The following SORBS2 variants were observed in gnomAD, a reference collection of about 807,000 sequenced individuals.
SORBS2 encodes the protein sorbin and SH3 domain-containing protein 2.
SORBS2 carries 46 observed loss-of-function variants against 97.7 expected under a neutral mutation model. The ratio of observed to expected loss-of-function variants is 0.47; its 90% CI spans 0.37 to 0.60. The LOEUF (loss-of-function observed/expected upper bound fraction) is 0.60. SORBS2 is among the 20% of genes least tolerant of loss of function. SORBS2 has a pLI of 0.00. For missense variants in SORBS2, 1,316 were observed against 1,282.3 expected (o/e 1.03, Z -0.40); for synonymous variants, 476 against 473.4 (o/e 1.01, Z -0.07).
At chr4:185,619,920 G>T (rs754949465) in intron 8 of SORBS2, 143 bp downstream of exon 20, 18 of 691,090 alleles carry the variant, frequency 2.6e-5, no homozygotes, top group Non-Finnish European at 4.5e-5. Context: ...CTATGCTCAG[G>T]CCCCAAGGAA....
intron 4 of SORBS2, among the ~76,000 whole-genome samples, chr4:185,664,668 G>A (rs2153477905): frequency 6.6e-6 from 1 of 152,148 alleles, no homozygotes; most frequent in Admixed American, 6.5e-5. Context: ...AGCCATTGGG[G>A]GAATACCAAA....
intron 1 of SORBS2, among the ~76,000 whole-genome samples, chr4:185,917,057 A>C (rs7671869): frequency 0.4 from 61,471 of 151,796 alleles, 12,587 homozygotes; most frequent in East Asian, 0.57. Flanking sequence ...TTAATTAATC[A>C]CGCCTATCTA....
Position 185,818,379 on chromosome 4 carries a change from C to T in SORBS2, c.-337-43013G>A, listed in dbSNP as rs187932124. Among the ~76,000 whole-genome samples, 109 of 152,100 alleles carry T rather than the reference C, an allele frequency of 7.2e-4. 1 individual carries two copies. The highest frequency in any genetic ancestry group is 4.2e-3 in the South Asian group (20 of 4,818). Reference sequence around the variant, plus strand: ...TAATTTTTTGTATTTTTAGTAGAAACGGAGTTTCACCATGTTAGCCAGGAT... The same window carrying T: ...TAATTTTTTGTATTTTTAGTAGAAATGGAGTTTCACCATGTTAGCCAGGAT... On this transcript the variant is annotated intron_variant, in intron 1 of 20. Transcript: ENST00000284776.
chr4:185,620,177 T>C (rs781532698), intron 7 of SORBS2, 26 bp from the exon 20 acceptor site: 5 of 1,428,426 alleles, frequency 3.5e-6, no homozygotes, highest in East Asian at 2.3e-5. Flanking sequence ...GGGCCAGTCA[T>C]GGTGAGTATC....
At position 185,886,563 on chromosome 4, in the gene SORBS2, AAAAAAAAAAAGAAAAG is replaced by A. The variant is rs1329629641; in HGVS notation, c.-338+69617_-338+69632del. Among the ~76,000 whole-genome samples, 22 of 127,618 alleles carry A rather than the reference AAAAAAAAAAAGAAAAG, an allele frequency of 1.7e-4. 1 individual carries two copies. The highest frequency in any genetic ancestry group is 8.4e-4 in the Admixed American group (11 of 13,088). The allele number at this position is 127,618 out of a possible 152,430, so 83.7% of individuals were successfully genotyped here. A position where few individuals can be genotyped will look rare whatever the true frequency, so the allele number is the denominator to read the frequency against. ...GAGCAAGACTCTGTCTCAAAAAAAA[AAAAAAAAAAAGAAAAG>A]AAAAAAAAAAGAAAAGAAAACAACG... On this transcript the variant is annotated intron_variant, in intron 1 of 20. Transcript: ENST00000284776.
chr4:185,619,414 G>A (rs185369812), intron 8 of SORBS2, among the ~76,000 whole-genome samples: 1 of 152,192 alleles, frequency 6.6e-6, no homozygotes, highest in Admixed American at 6.5e-5. Context: ...GATCCCACAG[G>A]CTCTGGACTA....
exon 15 of SORBS2, chr4:185,586,610 ATG>A (rs896965203): frequency 6.6e-6 from 1 of 152,664 alleles, no homozygotes; most frequent in African/African-American, 2.4e-5. Flanking sequence ...TTTCCATAAA[ATG>A]TACAACATAT....
intron 1 of SORBS2, among the ~76,000 whole-genome samples, chr4:185,923,922 AT>A (rs1443080071): frequency 6.6e-6 from 1 of 152,250 alleles, no homozygotes; most frequent in Non-Finnish European, 1.5e-5. Context: ...CAAGACAAGA[AT>A]TGTTAAAAGA....
intron 8 of SORBS2, 29 bp downstream of exon 20, chr4:185,620,034 A>G (rs201023070): frequency 1.6e-5 from 22 of 1,369,192 alleles, no homozygotes; most frequent in African/African-American, 4.3e-5. Context: ...TGTTGCTGTG[A>G]AAGACTCCAA....
Position 185,684,900 on chromosome 4 carries a change from C to CGTGCTTTTTAAGAG in SORBS2, c.-197-6079_-197-6078insCTCTTAAAAAGCAC. The stretch of plus-strand genomic sequence containing the variant: ...GCCAAGGCAACGGGAAAAGCACGTG[C>CGTGCTTTTTAAGAG]AATATCATGCGTTTTAAGAGAAATG... On this transcript the variant is annotated intron_variant, in intron 2 of 20. Transcript: ENST00000284776. The surrounding 1 kb of genome is among the most constrained non-coding windows in gnomAD (Gnocchi z 4.2). The CGTGCTTTTTAAGAG allele has an allele frequency of 7.7e-7, 1 of 1,300,430 alleles. No homozygotes were observed. The highest frequency in any genetic ancestry group is 1.1e-6 in the Non-Finnish European group (1 of 920,586). The allele number at this position is 1,300,430 out of a possible 1,614,324, so 80.6% of individuals were successfully genotyped here.
At chr4:185,672,083 A>G (rs1186030647) in intron 4 of SORBS2, among the ~76,000 whole-genome samples, 1 of 152,272 alleles carries the variant, frequency 6.6e-6, no homozygotes, top group Non-Finnish European at 1.5e-5. Context: ...AATGGAAGAC[A>G]TCAATGATTG....
intron 2 of SORBS2, among the ~76,000 whole-genome samples, chr4:185,731,039 A>G (rs2098618861): frequency 6.6e-6 from 1 of 152,222 alleles, no homozygotes; most frequent in Admixed American, 6.5e-5. Context: ...ACTATTTTCT[A>G]GGTTTTTCTC....
At chr4:185,863,488 C>T (rs906723066) in intron 1 of SORBS2, among the ~76,000 whole-genome samples, 2 of 152,154 alleles carry the variant, frequency 1.3e-5, no homozygotes, top group African/African-American at 4.8e-5. Flanking sequence ...GTTTAATATA[C>T]TGTCTTCTTA....
At position 185,724,552 on chromosome 4, in the gene SORBS2, T is replaced by G. The variant is rs971674616; in HGVS notation, c.-197-45730A>C. Among the ~76,000 whole-genome samples the G allele has an allele frequency of 2.6e-5, 4 of 152,160 alleles. No individual in the cohort carries two copies. The East Asian group carries it at 7.7e-4, about 29-fold the overall frequency. ...TACCTCTCTTCACTGTCATTTATAT[T>G]GTTGCCTGAGGACTCTTCCTAATAC... On this transcript the variant is annotated intron_variant, in intron 2 of 20. Coordinates refer to the SORBS2 transcript ENST00000284776.
exon 1 of SORBS2, chr4:185,656,693 T>C: frequency 1.9e-6 from 3 of 1,549,570 alleles, no homozygotes; most frequent in Non-Finnish European, 1.7e-6. Flanking sequence ...CCAGTGGACT[T>C]GGTCAGCCAG....
chr4:185,822,325 G>A (rs1378823257), intron 1 of SORBS2, among the ~76,000 whole-genome samples: 10 of 152,212 alleles, frequency 6.6e-5, no homozygotes, highest in Admixed American at 5.9e-4. Flanking sequence ...CAGGCCTGGA[G>A]CTCTGTATTC....
At chr4:185,814,405 GT>G (rs2099192003) in intron 1 of SORBS2, among the ~76,000 whole-genome samples, 1 of 151,932 alleles carries the variant, frequency 6.6e-6, no homozygotes, top group South Asian at 2.1e-4. Context: ...GCCAGGCATG[GT>G]GGTGCACGCC....
At chr4:185,676,882 C>T in intron 4 of SORBS2, 1 of 810,374 alleles carries the variant, frequency 1.2e-6, no homozygotes, top group Non-Finnish European at 1.9e-6. Flanking sequence ...TCTCCTTTCC[C>T]TTCCTGCTTG....
chr4:185,588,480 C>T (rs541208169), intron 14 of SORBS2, among the ~76,000 whole-genome samples: 2 of 152,256 alleles, frequency 1.3e-5, no homozygotes, highest in Admixed American at 6.5e-5. Context: ...GCAGATGGAC[C>T]GGATAAGGGT....
Sources: allele counts gnomAD v4.1 joint callset (sites outside exome capture counted in the v4.1 genomes callset), GRCh38; gene constraint gnomAD v4.1.1; non-coding constraint Gnocchi (gnomAD v3.1); transcripts MANE v1.5; gene names NCBI Gene and HGNC (gene_info 2026-07-23, HGNC 2026-07-21).